Variants in RREB1 observed in about 807,000 individuals in gnomAD.
RREB1 encodes the protein ras responsive element binding protein 1.
In RREB1, 27 loss-of-function variants were observed where a neutral mutation model predicts 117.8. The ratio of observed to expected loss-of-function variants is 0.23; its 90% CI spans 0.17 to 0.32. RREB1 has a LOEUF of 0.32. Among genes scored for constraint, RREB1 ranks in the 10% least tolerant of loss-of-function variants. The pLI is 1.00. For missense variants in RREB1, 2,577 were observed against 2,378.2 expected, an observed-to-expected ratio of 1.08 and a Z score of -1.74; for synonymous variants, 1,298 against 1,026.7, an observed-to-expected ratio of 1.26 and a Z score of -5.05.
At chr6:7,108,135 C>T (rs1340792771) in intron 1 of RREB1, 75 bp downstream of exon 1, 1 of 152,210 alleles carries the variant, frequency 6.6e-6, no homozygotes, top group Non-Finnish European at 1.5e-5. Context: ...CCGGAGCGAC[C>T]TTTTAAAGAA....
chr6:7,120,876 G>A (rs548892991), intron 1 of RREB1, among the ~76,000 whole-genome samples: 2 of 138,708 alleles, frequency 1.4e-5, no homozygotes, highest in Admixed American at 7.7e-5. Flanking sequence ...CTGGAGTGCT[G>A]TGGCACGATA....
At chr6:7,212,602 C>T (rs1258905997) in intron 8 of RREB1, 3 of 152,176 alleles carry the variant, frequency 2.0e-5, no homozygotes, top group Non-Finnish European at 4.4e-5. Context: ...GTAGCCCATC[C>T]TGGAAGTCAC....
chr6:7,192,490 AC>A lies in RREB1; in HGVS notation c.425+3172del, dbSNP rs937443706. 5.3e-5 allele frequency among the ~76,000 whole-genome samples: 8 copies of A among 151,122 alleles called. 1 individual carries two copies. Among genetic ancestry groups the A allele is most frequent in the African/African-American group, 1.7e-4 (7 of 41,076 alleles). On this transcript the variant is annotated intron_variant, in intron 6 of 12. Transcript: ENST00000379938. ...TTACAGGTGAGAGCCACCGCGCCTC[AC>A]CCCAGATTTTGTTTCTTCTTGAGTC...
At chr6:7,122,945 T>A (rs1357011077) in intron 1 of RREB1, among the ~76,000 whole-genome samples, 1 of 152,170 alleles carries the variant, frequency 6.6e-6, no homozygotes, top group East Asian at 1.9e-4. Context: ...CAGCTACTTA[T>A]TTTGAAGAGT....
At chr6:7,158,247 G>A (rs928565187) in intron 1 of RREB1, among the ~76,000 whole-genome samples, 1 of 152,002 alleles carries the variant, frequency 6.6e-6, no homozygotes, top group African/African-American at 2.4e-5. Flanking sequence ...CCTTTCCATT[G>A]TCTACCCCAC....
At chr6:7,149,528 T>C (rs1581453183) in intron 1 of RREB1, among the ~76,000 whole-genome samples, 1 of 152,182 alleles carries the variant, frequency 6.6e-6, no homozygotes, top group Non-Finnish European at 1.5e-5. Flanking sequence ...TTTTATGAGT[T>C]TGTCTTCATT....
chr6:7,113,140 ACTG>A (rs1761229901), intron 1 of RREB1, among the ~76,000 whole-genome samples: 3 of 50,328 alleles, frequency 6.0e-5, no homozygotes, highest in Admixed American at 2.4e-4. Context: ...AAGTCCGGGG[ACTG>A]GGGACTGGGT....
intron 1 of RREB1, among the ~76,000 whole-genome samples, chr6:7,123,258 A>G (rs1318311329): frequency 1.3e-5 from 2 of 151,918 alleles, no homozygotes; most frequent in African/African-American, 4.8e-5. Context: ...CCCGGGTTCA[A>G]GCGATTCTCC....
At chr6:7,150,027 T>C (rs1763047195) in intron 1 of RREB1, among the ~76,000 whole-genome samples, 1 of 151,770 alleles carries the variant, frequency 6.6e-6, no homozygotes. Flanking sequence ...TTTTCAAGGT[T>C]ATTTGCTAAT....
At chr6:7,125,556 T>C (rs572653909) in intron 1 of RREB1, among the ~76,000 whole-genome samples, 80 of 152,332 alleles carry the variant, frequency 5.3e-4, no homozygotes, top group Non-Finnish European at 9.6e-4. Context: ...TTGAAGAGAC[T>C]CTAAGCTCTA....
At chr6:7,165,690 T>TGGGCAGATGAGC (rs1763896660) in intron 1 of RREB1, among the ~76,000 whole-genome samples, 1 of 152,196 alleles carries the variant, frequency 6.6e-6, no homozygotes, top group East Asian at 1.9e-4. Flanking sequence ...GCCCTTGGAC[T>TGGGCAGATGAGC]GGGCAGATGA....
At chr6:7,130,216 T>C (rs1185849924) in intron 1 of RREB1, among the ~76,000 whole-genome samples, 1 of 152,216 alleles carries the variant, frequency 6.6e-6, no homozygotes, top group Non-Finnish European at 1.5e-5. Flanking sequence ...CTCCAAATCA[T>C]TTTTATCCTC....
chr6:7,153,413 T>TACACACACACACACACACACACACACAC (rs57110705), intron 1 of RREB1, among the ~76,000 whole-genome samples: 1 of 145,724 alleles, frequency 6.9e-6, no homozygotes, highest in African/African-American at 2.6e-5. Flanking sequence ...AGTAGTGGTA[T>TACACACACACACACACACACACACACAC]ACACACACAC....
intron 1 of RREB1, among the ~76,000 whole-genome samples, chr6:7,110,035 G>C (rs2113270031): frequency 6.6e-6 from 1 of 152,236 alleles, no homozygotes; most frequent in East Asian, 1.9e-4. Flanking sequence ...GAAATAGCGA[G>C]GAATTTCTGT....
At chr6:7,162,150 C>G (rs548006553) in intron 1 of RREB1, among the ~76,000 whole-genome samples, 1 of 152,202 alleles carries the variant, frequency 6.6e-6, no homozygotes, top group South Asian at 2.1e-4. Flanking sequence ...ATGGACAAGA[C>G]ACACAAAACT....
intron 1 of RREB1, among the ~76,000 whole-genome samples, chr6:7,144,132 G>GA (rs1762755358): frequency 6.6e-6 from 1 of 151,724 alleles, no homozygotes; most frequent in African/African-American, 2.4e-5. Flanking sequence ...GTTGAAGTTA[G>GA]AAAGTTTTAT....
chr6:7,112,919 G>C (rs1346909945), intron 1 of RREB1, among the ~76,000 whole-genome samples: 1 of 152,220 alleles, frequency 6.6e-6, no homozygotes, highest in Non-Finnish European at 1.5e-5. Context: ...GGCGGGTTGG[G>C]GTGAAGCGGA....
At chr6:7,169,072 C>T (rs1394567331) in intron 1 of RREB1, among the ~76,000 whole-genome samples, 1 of 151,456 alleles carries the variant, frequency 6.6e-6, no homozygotes, top group African/African-American at 2.4e-5. Context: ...TTCCAGTATA[C>T]TCTGACTTGA....
chr6:7,238,687 T>G (rs2113157320), intron 10 of RREB1, among the ~76,000 whole-genome samples: 1 of 152,196 alleles, frequency 6.6e-6, no homozygotes, highest in African/African-American at 2.4e-5. Flanking sequence ...GTCAGTGGGG[T>G]TCTCCACTTT....
Sources: gnomAD v4.1 joint callset for allele counts (sites outside exome capture counted in the v4.1 genomes callset) on GRCh38, gnomAD v4.1.1 for gene constraint, MANE v1.5 for transcripts, NCBI Gene and HGNC (gene_info 2026-07-23, HGNC 2026-07-21) for gene names.